The following PLA2G2E variants were observed in gnomAD, a reference collection of about 807,000 sequenced individuals.
The protein encoded by PLA2G2E is phospholipase A2 group IIE, also known as group IIE secretory phospholipase A2.
In PLA2G2E, 14 loss-of-function variants were observed where a neutral mutation model predicts 16.5. That is an observed-to-expected ratio of 0.85 (90% CI 0.56 to 1.33). The LOEUF is 1.33. Ranked by LOEUF, PLA2G2E falls within the 40% of genes most tolerant of loss-of-function variation. The pLI, the probability that PLA2G2E is intolerant of heterozygous loss-of-function variation, is 0.00. For synonymous variants in PLA2G2E, 72 were observed against 77.2 expected (o/e 0.93, Z 0.36); for missense variants, 174 against 190.7 (o/e 0.91, Z 0.52).
In PLA2G2E at chr1:19,920,083, C is replaced by A; in HGVS notation, c.*224G>T. 1 of 511,816 alleles carries A rather than the reference C, an allele frequency of 2.0e-6. No homozygotes were observed. Among genetic ancestry groups the A allele is most frequent in the Non-Finnish European group, 3.5e-6 (1 of 289,184 alleles). 31.7% of individuals were successfully genotyped at this position (511,816 alleles called of 1,614,324 possible). ...GAAGCTAGTGACAGTCTTCTGGGTG[C>A]TGAAGGGTCCATGGCTCCTGGGGCA... On this transcript the variant is annotated 3_prime_UTR_variant, in exon 4 of 4. Transcript: ENST00000375116. The surrounding 1 kb of genome is among the most constrained non-coding windows in gnomAD (Gnocchi z 4.3).
intron 1 of PLA2G2E, 118 bp from the exon 2 acceptor site, chr1:19,922,873 T>C: frequency 8.7e-7 from 1 of 1,149,820 alleles, no homozygotes; most frequent in Non-Finnish European, 1.2e-6. Flanking sequence ...TAAGCTCACC[T>C]CCCCAAAGCA....
chr1:19,920,477 C>A lies in PLA2G2E; in HGVS notation c.287-28G>T, dbSNP rs1571197764. On this transcript the variant is annotated intron_variant, in intron 3 of 3. Coordinates refer to ENST00000375116, the MANE Select transcript of PLA2G2E (RefSeq NM_014589.3). The surrounding 1 kb of genome is among the most constrained non-coding windows in gnomAD (Gnocchi z 4.3). The stretch of plus-strand genomic sequence containing the variant: ...GGATGGGACAAAGTGAGTCAGGGAC[C>A]ACAGAAGCTCAGGATATGTGTGGGA... 1 of 1,609,182 alleles carries A rather than the reference C, an allele frequency of 6.2e-7. No homozygotes were observed. The highest frequency in any genetic ancestry group is 8.5e-7 in the Non-Finnish European group (1 of 1,178,350).
At chr1:19,921,355 G>A (rs1212792838) in intron 3 of PLA2G2E, among the ~76,000 whole-genome samples, 2 of 152,200 alleles carry the variant, frequency 1.3e-5, no homozygotes, top group Admixed American at 1.3e-4. Flanking sequence ...CCGTTTTCTA[G>A]GTGAGGAAAC....
At position 19,922,152 on chromosome 1, in the gene PLA2G2E, C is replaced by T. The variant is rs747214050; in HGVS notation, c.286+146G>A. 157 of 617,112 alleles carry T rather than the reference C, an allele frequency of 2.5e-4. 1 individual carries two copies. Among genetic ancestry groups the T allele is most frequent in the Non-Finnish European group, 4.1e-4 (139 of 340,314 alleles). 38.2% of individuals were successfully genotyped at this position (617,112 alleles called of 1,614,324 possible). A position where few individuals can be genotyped will look rare whatever the true frequency, so the allele number is the denominator to read the frequency against. On this transcript the variant is annotated intron_variant, in intron 3 of 3. Transcript: ENST00000375116. ...GTGAACATCTGGGTCTCCACTGTTA[C>T]GTGGTAACGGGAAACCCCATGCCTC... is the stretch of plus-strand genomic sequence containing the variant.
Position 19,922,377 on chromosome 1 carries a change from G to A in PLA2G2E, c.207C>T (p.Tyr69=), listed in dbSNP as rs372491665. 5.0e-6 allele frequency: 8 copies of A among 1,613,826 alleles called. No homozygotes were observed. Among genetic ancestry groups the A allele is most frequent in the African/African-American group, 4.0e-5 (3 of 74,928 alleles). The change falls in exon 3 of 4, where the codon TAC becomes TAT. Residue 69 remains tyrosine, a synonymous_variant. Transcript: ENST00000375116. ...CACAGCCCAGCTTCTCCAGACGCCC[G>A]TAGCAGCAGTCGTGGGCGTGGCAGC... is the stretch of plus-strand genomic sequence containing the variant. The part of the protein sequence containing the change: ...DWCCHAHDCC[Y]GRLEKLGCEP...
chr1:19,922,172 T>C (rs1360259339), intron 3 of PLA2G2E, 126 bp downstream of exon 3: 5 of 656,210 alleles, frequency 7.6e-6, no homozygotes, highest in Non-Finnish European at 1.3e-5. Flanking sequence ...GGAAACCCCA[T>C]GCCTCCAGCC....
Position 19,920,578 on chromosome 1 carries a change from T to G in PLA2G2E, c.287-129A>C. On this transcript the variant is annotated intron_variant, in intron 3 of 3. Coordinates refer to ENST00000375116, the MANE Select transcript of PLA2G2E (RefSeq NM_014589.3). The surrounding 1 kb of genome is among the most constrained non-coding windows in gnomAD (Gnocchi z 4.3). ...TCTGATGGAAGCCCAAGCTCCCGGG[T>G]TGTTTCACGGATGGGTGAGACAAGA... is the stretch of plus-strand genomic sequence containing the variant. The G allele has an allele frequency of 1.1e-6, 1 of 894,550 alleles. No homozygotes were observed. Among genetic ancestry groups the G allele is most frequent in the Non-Finnish European group, 1.7e-6 (1 of 594,186 alleles). The allele number at this position is 894,550 out of a possible 1,614,324, so 55.4% of individuals were successfully genotyped here.
chr1:19,921,597 C>A (rs910042514), intron 3 of PLA2G2E, among the ~76,000 whole-genome samples: 3 of 152,218 alleles, frequency 2.0e-5, no homozygotes, highest in Non-Finnish European at 4.4e-5. Flanking sequence ...AGCTCTGCCC[C>A]GCCGCCAGGA....
intron 1 of PLA2G2E, among the ~76,000 whole-genome samples, chr1:19,923,063 C>T (rs191829258): frequency 8.2e-4 from 125 of 152,278 alleles, no homozygotes; most frequent in Middle Eastern, 3.4e-3. Flanking sequence ...AGCCACCAGT[C>T]CTCCCCAGGT....
intron 2 of PLA2G2E, 83 bp downstream of exon 2, chr1:19,922,534 C>T (rs1284932509): frequency 1.3e-6 from 2 of 1,503,282 alleles, no homozygotes; most frequent in Non-Finnish European, 1.8e-6. Context: ...TGCCCCCAGG[C>T]TTCCCTCCTT....
In PLA2G2E at chr1:19,922,618, A is replaced by G; in HGVS notation, c.178T>C (p.Trp60Arg). ...GSHWPVDQTD[W>R]CCHAHDCCYG... ...TCCCCCTGCAGGCTGCTTCCTCACC[A>G]GTCAGTCTGGTCCACCGGCCAGTGG... The change falls in exon 2 of 4, where the codon TGG (tryptophan) becomes CGG (arginine). Residue 60 changes from tryptophan (W) to arginine (R), a missense_variant and splice_region_variant. Transcript: ENST00000375116. 5 of 1,613,894 alleles carry G rather than the reference A, an allele frequency of 3.1e-6. No individual in the cohort carries two copies. Among genetic ancestry groups the G allele is most frequent in the Non-Finnish European group, 4.2e-6 (5 of 1,179,936 alleles).
At position 19,920,176 on chromosome 1, in the gene PLA2G2E, T is replaced by A; in HGVS notation, c.*131A>T. On this transcript the variant is annotated 3_prime_UTR_variant, in exon 4 of 4. Transcript: ENST00000375116. This position sits in a 1 kb window ranked among gnomAD's most constrained non-coding sequence, Gnocchi z 4.3. ...TGGTCCAGGACATATCTCTGAGCTC[T>A]CAAGGAGGGATGAGTTTGCAGGAAA... 1.3e-6 allele frequency: 1 copy of A among 755,100 alleles called. No homozygotes were observed. The allele number at this position is 755,100 out of a possible 1,614,324, so 46.8% of individuals were successfully genotyped here.
Position 19,920,535 on chromosome 1 carries a change from G to T in PLA2G2E, c.287-86C>A. ...TGGCTGCTTCTGGGTCCACGTTCTT[G>T]ACCTGGACCAACTCCATTCTGATGG... On this transcript the variant is annotated intron_variant, in intron 3 of 3. Coordinates refer to ENST00000375116, the MANE Select transcript of PLA2G2E (RefSeq NM_014589.3). This position sits in a 1 kb window ranked among gnomAD's most constrained non-coding sequence, Gnocchi z 4.3. 1 of 1,367,032 alleles carries T rather than the reference G, an allele frequency of 7.3e-7. No individual in the cohort carries two copies. Among genetic ancestry groups the T allele is most frequent in the Non-Finnish European group, 1.0e-6 (1 of 991,060 alleles). 84.7% of individuals were successfully genotyped at this position (1,367,032 alleles called of 1,614,324 possible). A position where few individuals can be genotyped will look rare whatever the true frequency, so the allele number is the denominator to read the frequency against.
In PLA2G2E at chr1:19,922,376, C is replaced by T. The variant is rs751738554; in HGVS notation, c.208G>A (p.Gly70Arg). The T allele has an allele frequency of 2.5e-5, 40 of 1,613,922 alleles. No homozygotes were observed. In the Middle Eastern group the frequency reaches 1.2e-3, roughly 46 times the overall value. ...WCCHAHDCCY[G>R]RLEKLGCEPK... is the part of the protein sequence containing the mutation. ...TCACAGCCCAGCTTCTCCAGACGCC[C>T]GTAGCAGCAGTCGTGGGCGTGGCAG... is the stretch of plus-strand genomic sequence containing the variant. Residue 70 changes from glycine (G) to arginine (R), a missense_variant, in exon 3 of 4, where the codon GGG becomes AGG. Coordinates refer to ENST00000375116, the MANE Select transcript of PLA2G2E (RefSeq NM_014589.3).
chr1:19,920,210 C>G lies in PLA2G2E; in HGVS notation c.*97G>C. 9.3e-7 allele frequency: 1 copy of G among 1,079,176 alleles called. No individual in the cohort carries two copies. The highest frequency in any genetic ancestry group is 1.5e-5 in the South Asian group (1 of 66,174). 66.9% of individuals were successfully genotyped at this position (1,079,176 alleles called of 1,614,324 possible). A position where few individuals can be genotyped will look rare whatever the true frequency, so the allele number is the denominator to read the frequency against. On this transcript the variant is annotated 3_prime_UTR_variant, in exon 4 of 4. Coordinates refer to ENST00000375116, the MANE Select transcript of PLA2G2E (RefSeq NM_014589.3). The surrounding 1 kb of genome is among the most constrained non-coding windows in gnomAD (Gnocchi z 4.3). Reference sequence around the variant, plus strand: ...GATGAGTTTGCAGGAAAGGAATTTTCCAAAGGGAGGGCCTTTGGTGCCAAT... The same window carrying G: ...GATGAGTTTGCAGGAAAGGAATTTTGCAAAGGGAGGGCCTTTGGTGCCAAT...
chr1:19,921,207 C>A (rs961744224), intron 3 of PLA2G2E, among the ~76,000 whole-genome samples: 11 of 152,236 alleles, frequency 7.2e-5, no homozygotes, highest in Admixed American at 6.5e-4. Context: ...CCTTCGTCTC[C>A]CGTCAGGGCT....
At chr1:19,922,455 G>T (rs916971981) in intron 2 of PLA2G2E, 51 bp from the exon 3 acceptor site, 14 of 1,574,030 alleles carry the variant, frequency 8.9e-6, no homozygotes, top group Admixed American at 1.8e-5. Context: ...GGCTGGGCTG[G>T]ACCAGGGGCT....
chr1:19,922,530 C>T lies in PLA2G2E; in HGVS notation c.179+87G>A, dbSNP rs929498380. The T allele has an allele frequency of 4.5e-6, 7 of 1,572,208 alleles. No individual in the cohort carries two copies. In the African/African-American group the frequency reaches 8.1e-5, roughly 18 times the overall value. ...TCAGCCTGAATTTTCCAGGTGCCCCCAGGCTTCCCTCCTTCTCCCAGGATC... is the reference window on the plus strand; with the variant it reads ...TCAGCCTGAATTTTCCAGGTGCCCCTAGGCTTCCCTCCTTCTCCCAGGATC... On this transcript the variant is annotated intron_variant, in intron 2 of 3. Coordinates refer to ENST00000375116, the MANE Select transcript of PLA2G2E (RefSeq NM_014589.3).
In PLA2G2E at chr1:19,922,395, G is replaced by T. The variant is rs369294108; in HGVS notation, c.189C>A (p.His63Gln). The T allele has an allele frequency of 6.2e-7, 1 of 1,613,590 alleles. No individual in the cohort carries two copies. The change falls in exon 3 of 4, where the codon CAC becomes CAA. Residue 63 changes from histidine to glutamine, a missense_variant. His to Gln is a conservative substitution (Grantham distance 24). Transcript: ENST00000375116. Reference protein sequence around the residue: ...WPVDQTDWCCHAHDCCYGRLE... With the variant: ...WPVDQTDWCCQAHDCCYGRLE... ...GACGCCCGTAGCAGCAGTCGTGGGC[G>T]TGGCAGCACCTGTAAGGGTCATGGT...
Sources: allele counts gnomAD v4.1 joint callset (sites outside exome capture counted in the v4.1 genomes callset), GRCh38; gene constraint gnomAD v4.1.1; non-coding constraint Gnocchi (gnomAD v3.1); transcripts MANE v1.5; gene names NCBI Gene and HGNC (gene_info 2026-07-23, HGNC 2026-07-21).